Variants in AIG1 observed in about 807,000 individuals in gnomAD.
AIG1 encodes androgen induced 1, also known as androgen-induced gene 1 protein.
In AIG1, 23 loss-of-function variants were observed where a neutral mutation model predicts 31.4. That is an observed-to-expected ratio of 0.73 (90% CI 0.53 to 1.04). The LOEUF (loss-of-function observed/expected upper bound fraction) is 1.04. Ranked by LOEUF, AIG1 falls within the 50% of genes least tolerant of loss-of-function variation. The pLI is 0.00. For synonymous variants in AIG1, 100 were observed against 110.5 expected, an observed-to-expected ratio of 0.90 and a Z score of 0.60; for missense variants, 274 against 295.0, an observed-to-expected ratio of 0.93 and a Z score of 0.52.
At chr6:143,285,346 G>A (rs1187270269) in intron 4 of AIG1, among the ~76,000 whole-genome samples, 1 of 150,288 alleles carries the variant, frequency 6.7e-6, no homozygotes, top group Non-Finnish European at 1.5e-5. Flanking sequence ...CCAGCTGGGA[G>A]GAGCTTTACG....
At chr6:143,343,758 G>T (rs1046984054), downstream of AIG1, among the ~76,000 whole-genome samples, 1 of 152,120 alleles carries the variant, frequency 6.6e-6, no homozygotes, top group Admixed American at 6.5e-5. Flanking sequence ...AGAAATAAAT[G>T]TACAGGTTTG....
In AIG1 at chr6:143,105,963, C is replaced by T. The variant is rs575300154; in HGVS notation, c.142-30872C>T. 1.2e-4 allele frequency among the ~76,000 whole-genome samples: 18 copies of T among 152,284 alleles called. No homozygotes were observed. The East Asian group carries it at 3.3e-3, about 28-fold the overall frequency. ...GGTTCTAGTGAGCTCGTGTGCTTTT[C>T]CCCTCTGTTCTCATTGCCTTTCTGA... On this transcript the variant is annotated intron_variant, in intron 1 of 5. Transcript: ENST00000357847.
At chr6:143,273,205 C>T (rs1323364269) in intron 3 of AIG1, among the ~76,000 whole-genome samples, 1 of 152,198 alleles carries the variant, frequency 6.6e-6, no homozygotes. Context: ...CATACTCTGA[C>T]ATTGCAGGAT....
At chr6:143,084,201 CG>C (rs1562357839) in intron 1 of AIG1, among the ~76,000 whole-genome samples, 1 of 152,134 alleles carries the variant, frequency 6.6e-6, no homozygotes, top group African/African-American at 2.4e-5. Flanking sequence ...GTGCTTGCCC[CG>C]GGCACCCTCA....
chr6:143,118,868 CT>C (rs1272273294), intron 1 of AIG1, among the ~76,000 whole-genome samples: 464 of 134,964 alleles, frequency 3.4e-3, no homozygotes, highest in Admixed American at 4.2e-3. Flanking sequence ...AAAGAATTTT[CT>C]TTTTTTTTTT....
intron 4 of AIG1, among the ~76,000 whole-genome samples, chr6:143,306,668 A>C (rs1470720488): frequency 6.6e-6 from 1 of 151,810 alleles, no homozygotes; most frequent in Non-Finnish European, 1.5e-5. Context: ...TGAATCTGAC[A>C]ATTATGTGTC....
intron 4 of AIG1, among the ~76,000 whole-genome samples, chr6:143,301,499 A>G (rs1245399755): frequency 6.6e-6 from 1 of 152,218 alleles, no homozygotes. Flanking sequence ...GGAGTCATTT[A>G]TAAAGGAAAG....
At chr6:143,137,138 C>T (rs1158903163) in intron 2 of AIG1, 148 bp downstream of exon 2, 2 of 848,344 alleles carry the variant, frequency 2.4e-6, no homozygotes, top group Middle Eastern at 3.3e-4. Flanking sequence ...GTGGCTTAAA[C>T]AACAAACATT....
intron 4 of AIG1, among the ~76,000 whole-genome samples, chr6:143,307,791 C>G (rs1290651569): frequency 2.0e-5 from 3 of 151,922 alleles, no homozygotes; most frequent in Admixed American, 6.6e-5. Context: ...TTTGTCTGTG[C>G]CCTGCCCCCA....
intron 3 of AIG1, among the ~76,000 whole-genome samples, chr6:143,270,826 G>A (rs191135729): frequency 3.9e-5 from 6 of 152,148 alleles, no homozygotes; most frequent in Admixed American, 1.3e-4. Context: ...TGTGCACATG[G>A]GTATGTGTGC....
intron 3 of AIG1, among the ~76,000 whole-genome samples, chr6:143,221,469 A>G (rs535629571): frequency 6.6e-6 from 1 of 152,204 alleles, no homozygotes; most frequent in Admixed American, 6.5e-5. Flanking sequence ...GGGATCTTGT[A>G]TGGCTCATAA....
Position 143,333,513 on chromosome 6 carries a change from G to T in AIG1, c.679+68G>T. On this transcript the variant is annotated intron_variant, in intron 5 of 5. Transcript: ENST00000357847. The surrounding 1 kb of genome is among the most constrained non-coding windows in gnomAD (Gnocchi z 4.6). ...CGGCAACAGTCTATGCAGAGACTGA[G>T]GGAAAATTCCACTGTAGCCTCTTCT... 2.7e-6 allele frequency: 4 copies of T among 1,504,038 alleles called. No individual in the cohort carries two copies. Among genetic ancestry groups the T allele is most frequent in the South Asian group, 1.2e-5 (1 of 80,496 alleles). 93.2% of individuals were successfully genotyped at this position (1,504,038 alleles called of 1,614,324 possible). A position where few individuals can be genotyped will look rare whatever the true frequency, so the allele number is the denominator to read the frequency against.
chr6:143,061,221 G>T (rs1259828780), intron 1 of AIG1, 155 bp downstream of exon 1: 1 of 935,822 alleles, frequency 1.1e-6, no homozygotes. Context: ...CAGTGATTGC[G>T]TGTGAAGGCC....
chr6:143,122,800 T>C (rs974447093), intron 1 of AIG1, among the ~76,000 whole-genome samples: 2 of 152,134 alleles, frequency 1.3e-5, no homozygotes, highest in African/African-American at 4.8e-5. Context: ...TAAAACCCCC[T>C]ACTGGCACCA....
chr6:143,148,139 T>C (rs913127777), intron 2 of AIG1, among the ~76,000 whole-genome samples: 1 of 152,096 alleles, frequency 6.6e-6, no homozygotes, highest in African/African-American at 2.4e-5. Flanking sequence ...ACCACAGTTA[T>C]GTGCTGTATA....
At chr6:143,119,437 A>T (rs956232674) in intron 1 of AIG1, among the ~76,000 whole-genome samples, 16 of 152,318 alleles carry the variant, frequency 1.1e-4, no homozygotes, top group African/African-American at 3.6e-4. Flanking sequence ...GGTAATAAAC[A>T]CAAGTCCAAA....
intron 2 of AIG1, among the ~76,000 whole-genome samples, chr6:143,149,490 G>C: frequency 7.4e-6 from 1 of 135,696 alleles, no homozygotes. Context: ...TCGCGCCACT[G>C]CACTCGCACT....
At chr6:143,264,575 G>A (rs779786715) in intron 3 of AIG1, among the ~76,000 whole-genome samples, 5 of 152,142 alleles carry the variant, frequency 3.3e-5, no homozygotes, top group African/African-American at 4.8e-5. Context: ...GATGTCGCCC[G>A]ATTATGTTCC....
intron 3 of AIG1, among the ~76,000 whole-genome samples, chr6:143,212,504 G>A (rs1015324469): frequency 6.6e-6 from 1 of 152,134 alleles, no homozygotes; most frequent in Admixed American, 6.5e-5. Context: ...TCTTAGAACA[G>A]GGTCTAAGGC....
Sources: gnomAD v4.1 joint callset for allele counts (sites outside exome capture counted in the v4.1 genomes callset) on GRCh38, gnomAD v4.1.1 for gene constraint, Gnocchi (gnomAD v3.1) non-coding constraint, MANE v1.5 for transcripts, NCBI Gene and HGNC (gene_info 2026-07-23, HGNC 2026-07-21) for gene names.